Variants in METTL16 observed in about 807,000 individuals in gnomAD.
METTL16 encodes the protein methyltransferase 16, RNA N6-adenosine.
METTL16 carries 19 observed loss-of-function variants against 57.9 expected under a neutral mutation model. The ratio of observed to expected loss-of-function variants is 0.33; its 90% confidence interval spans 0.23 to 0.48. The LOEUF (loss-of-function observed/expected upper bound fraction) is 0.48. Ranked by LOEUF, METTL16 falls within the 20% of genes least tolerant of loss-of-function variation. METTL16 has a pLI of 0.99. For synonymous variants in METTL16, 246 were observed against 255.6 expected (o/e 0.96, Z 0.36); for missense variants, 434 against 691.5 (o/e 0.63, Z 4.18).
chr17:2,441,394 A>G, intron 7 of METTL16, 96 bp downstream of exon 7: 1 of 810,280 alleles, frequency 1.2e-6, no homozygotes, highest in Non-Finnish European at 1.8e-6. Context: ...CCCTGACTTC[A>G]CCACAATGCA....
At chr17:2,430,735 T>A (rs2066867826) in intron 8 of METTL16, among the ~76,000 whole-genome samples, 1 of 151,390 alleles carries the variant, frequency 6.6e-6, no homozygotes, top group African/African-American at 2.4e-5. Flanking sequence ...ATTTTTAGAA[T>A]TTTTTTTTAA....
intron 8 of METTL16, among the ~76,000 whole-genome samples, chr17:2,433,153 T>A (rs2066886017): frequency 6.6e-6 from 1 of 152,196 alleles, no homozygotes; most frequent in Non-Finnish European, 1.5e-5. Flanking sequence ...TGAATGCTTA[T>A]GGGAGCTCTA....
chr17:2,433,377 C>T (rs1597441099), intron 8 of METTL16, among the ~76,000 whole-genome samples: 1 of 152,290 alleles, frequency 6.6e-6, no homozygotes, highest in East Asian at 1.9e-4. Context: ...AGCTGTACTT[C>T]CTCCCACTTG....
intron 7 of METTL16, among the ~76,000 whole-genome samples, chr17:2,438,836 A>G (rs2066927147): frequency 6.6e-6 from 1 of 152,226 alleles, no homozygotes; most frequent in African/African-American, 2.4e-5. Context: ...AAAGTCAACC[A>G]AAGTCTGGGC....
At chr17:2,450,292 C>T (rs528936107) in intron 6 of METTL16, among the ~76,000 whole-genome samples, 240 of 152,284 alleles carry the variant, frequency 1.6e-3, no homozygotes, top group African/African-American at 5.5e-3. Context: ...AAGGGACAGG[C>T]CACTGACACA....
intron 6 of METTL16, among the ~76,000 whole-genome samples, chr17:2,448,201 T>C (rs1189778598): frequency 4.2e-4 from 62 of 147,592 alleles, no homozygotes; most frequent in African/African-American, 1.3e-3. Flanking sequence ...TACTGGGAAG[T>C]GAGGAGCCCC....
In METTL16 at chr17:2,464,293, T is replaced by C. The variant is rs1416409194; in HGVS notation, c.643A>G (p.Ile215Val). 1.9e-6 allele frequency: 3 copies of C among 1,614,000 alleles called. No homozygotes were observed. Among genetic ancestry groups the C allele is most frequent in the Non-Finnish European group, 8.5e-7 (1 of 1,179,876 alleles). Reference sequence around the variant, plus strand: ...CCTCCTTCTGCCATGATCTCTGTGATGCCTCCTGTATTAACAGAACTAGGC... The same window carrying C: ...CCTCCTTCTGCCATGATCTCTGTGACGCCTCCTGTATTAACAGAACTAGGC... The part of the protein sequence containing the change: ...PPPSSVNTGG[I>V]TEIMAEGGEL... The change falls in exon 6 of 10, where the codon ATC becomes GTC. Residue 215 changes from isoleucine to valine, a missense_variant. By Grantham distance (29) the Ile-to-Val change is conservative. Coordinates refer to ENST00000263092, the MANE Select transcript of METTL16 (RefSeq NM_024086.4).
At chr17:2,443,652 A>G (rs970932581) in intron 6 of METTL16, among the ~76,000 whole-genome samples, 2 of 148,608 alleles carry the variant, frequency 1.3e-5, no homozygotes, top group African/African-American at 2.5e-5. Flanking sequence ...ACGCCCGGCT[A>G]TTTTTTTTTT....
intron 2 of METTL16, among the ~76,000 whole-genome samples, chr17:2,495,936 T>C (rs1185584265): frequency 1.3e-5 from 2 of 151,010 alleles, no homozygotes; most frequent in Non-Finnish European, 2.9e-5. Context: ...TGGCAAAACC[T>C]TGTCTCTACT....
At chr17:2,477,337 G>A (rs138117023) in intron 3 of METTL16, 3,061 of 221,850 alleles carry the variant, frequency 0.014, 35 homozygotes, top group Non-Finnish European at 0.018. Context: ...AAAAAAGAAC[G>A]GTAATGCAGG....
At chr17:2,488,371 A>G (rs939013743) in intron 2 of METTL16, among the ~76,000 whole-genome samples, 1 of 152,158 alleles carries the variant, frequency 6.6e-6, no homozygotes, top group African/African-American at 2.4e-5. Context: ...AGCCTGGCCA[A>G]TATGGTGAAA....
At chr17:2,498,193 C>CAA (rs1199819434) in intron 2 of METTL16, among the ~76,000 whole-genome samples, 8 of 141,252 alleles carry the variant, frequency 5.7e-5, no homozygotes, top group Non-Finnish European at 1.2e-4. Flanking sequence ...GACTCCATCT[C>CAA]AAAAAAAAAA....
chr17:2,430,578 G>C (rs2066866493), intron 8 of METTL16, among the ~76,000 whole-genome samples: 1 of 118,020 alleles, frequency 8.5e-6, no homozygotes, highest in Non-Finnish European at 1.9e-5. Context: ...ACCACGCCGG[G>C]CTAATTTTTT....
chr17:2,447,868 A>G (rs1287561349), intron 6 of METTL16, among the ~76,000 whole-genome samples: 14 of 34,360 alleles, frequency 4.1e-4, no homozygotes, highest in South Asian at 2.7e-3. Context: ...TCAGCCCTCC[A>G]CCTGGCCAGC....
intron 8 of METTL16, among the ~76,000 whole-genome samples, chr17:2,422,876 G>A (rs2066778120): frequency 2.0e-5 from 3 of 151,998 alleles, no homozygotes. Context: ...CCAGCTACTC[G>A]GGAGGCTGAG....
At position 2,417,043 on chromosome 17, in the gene METTL16, C is replaced by A. The variant is rs2066722083; in HGVS notation, c.*2927G>T. The A allele has an allele frequency of 8.0e-6, 1 of 124,842 alleles. No homozygotes were observed. The highest frequency in any genetic ancestry group is 2.9e-4 in the South Asian group (1 of 3,444). 7.7% of individuals were successfully genotyped at this position (124,842 alleles called of 1,614,324 possible). A position where few individuals can be genotyped will look rare whatever the true frequency, so the allele number is the denominator to read the frequency against. ...CACTCGGCTCCAGACTGAAAGCTGG[C>A]CTGCTCATGGGTTCCTTTTTTTTTT... is the stretch of plus-strand genomic sequence containing the variant. On this transcript the variant is annotated 3_prime_UTR_variant, in exon 10 of 10. Coordinates refer to ENST00000263092, the MANE Select transcript of METTL16 (RefSeq NM_024086.4).
rs869134753 is a variant in METTL16, at chr17:2,417,085, T to TTTTTTTTTTTTTTTTTTTTTA, written c.*2884_*2885insTAAAAAAAAAAAAAAAAAAAA. Reference sequence around the variant, plus strand: ...TTTTTTTTTTTTTTTTTTTTTTTTTTGAGACAGTCCCACTTTGTCGCCCAG... The same window carrying TTTTTTTTTTTTTTTTTTTTTA: ...TTTTTTTTTTTTTTTTTTTTTTTTTTTTTTTTTTTTTTTTTTTTTTAGAGACAGTCCCACTTTGTCGCCCAG... On this transcript the variant is annotated 3_prime_UTR_variant, in exon 10 of 10. Transcript: ENST00000263092. 18 of 138,432 alleles carry TTTTTTTTTTTTTTTTTTTTTA rather than the reference T, an allele frequency of 1.3e-4. No homozygotes were observed. The highest frequency in any genetic ancestry group is 4.9e-4 in the African/African-American group (17 of 35,040). The allele number at this position is 138,432 out of a possible 1,614,324, so 8.6% of individuals were successfully genotyped here. A position where few individuals can be genotyped will look rare whatever the true frequency, so the allele number is the denominator to read the frequency against.
chr17:2,479,644 C>G (rs1473664275), intron 2 of METTL16, among the ~76,000 whole-genome samples: 1 of 152,054 alleles, frequency 6.6e-6, no homozygotes, highest in South Asian at 2.1e-4. Flanking sequence ...CATCAAATGA[C>G]CAATCATTGG....
At chr17:2,479,651 T>C (rs997274442) in intron 2 of METTL16, among the ~76,000 whole-genome samples, 1 of 152,096 alleles carries the variant, frequency 6.6e-6, no homozygotes, top group Non-Finnish European at 1.5e-5. Flanking sequence ...TGACCAATCA[T>C]TGGAAAAATT....
Sources: gnomAD v4.1 joint callset for allele counts (sites outside exome capture counted in the v4.1 genomes callset) on GRCh38, gnomAD v4.1.1 for gene constraint, MANE v1.5 for transcripts, NCBI Gene and HGNC (gene_info 2026-07-23, HGNC 2026-07-21) for gene names.